Variants in RIMS1 observed in about 807,000 individuals in gnomAD.
RIMS1 encodes the protein regulating synaptic membrane exocytosis 1.
Under a neutral mutation model 214.1 loss-of-function variants are expected in RIMS1, and 83 were observed. The observed-to-expected ratio is 0.39, with a 90% CI of 0.32 to 0.47. RIMS1 has a LOEUF of 0.47. RIMS1 is among the 20% of genes least tolerant of loss of function. RIMS1 has a pLI of 0.99. For synonymous variants in RIMS1, 793 were observed against 786.8 expected (o/e 1.01, Z -0.13); for missense variants, 2,050 against 2,161.8 (o/e 0.95, Z 1.03).
intron 2 of RIMS1, among the ~76,000 whole-genome samples, chr6:72,047,875 G>A (rs1309021506): frequency 6.6e-6 from 1 of 152,056 alleles, no homozygotes; most frequent in Non-Finnish European, 1.5e-5. Context: ...CAAAATCTTT[G>A]GGTTTATTGG....
intron 2 of RIMS1, among the ~76,000 whole-genome samples, chr6:71,992,424 T>TTCTTTC (rs1801955946): frequency 2.7e-5 from 2 of 74,370 alleles, no homozygotes; most frequent in Non-Finnish European, 5.1e-5. Context: ...CTTTCTTTCT[T>TTCTTTC]TCTTTCTTTC....
At chr6:71,939,754 G>A (rs991060489) in intron 1 of RIMS1, among the ~76,000 whole-genome samples, 11 of 152,090 alleles carry the variant, frequency 7.2e-5, no homozygotes, top group African/African-American at 1.2e-4. Context: ...CCTAATAACC[G>A]CTTAAAGTTT....
chr6:72,371,694 G>T (rs1292779577), intron 29 of RIMS1, among the ~76,000 whole-genome samples: 1 of 152,126 alleles, frequency 6.6e-6, no homozygotes, highest in Non-Finnish European at 1.5e-5. Context: ...GCATTCAAGA[G>T]GAAGTTAAGA....
At chr6:71,919,081 C>G (rs1453082061) in intron 1 of RIMS1, among the ~76,000 whole-genome samples, 1 of 151,966 alleles carries the variant, frequency 6.6e-6, no homozygotes, top group African/African-American at 2.4e-5. Flanking sequence ...ATTATGCATC[C>G]CAGTGTCCAT....
chr6:72,230,740 C>G (rs1421782873), intron 6 of RIMS1, among the ~76,000 whole-genome samples: 3 of 151,528 alleles, frequency 2.0e-5, no homozygotes, highest in Non-Finnish European at 4.4e-5. Context: ...TATTTCTGCA[C>G]TGATAGTTGG....
chr6:72,236,741 G>T (rs898827783), intron 8 of RIMS1, among the ~76,000 whole-genome samples: 1 of 149,574 alleles, frequency 6.7e-6, no homozygotes, highest in Non-Finnish European at 1.5e-5. Context: ...ATTGTCTTGG[G>T]TCACACTTAA....
intron 2 of RIMS1, among the ~76,000 whole-genome samples, chr6:72,048,211 T>G (rs1487905578): frequency 6.6e-6 from 1 of 152,208 alleles, no homozygotes; most frequent in Non-Finnish European, 1.5e-5. Context: ...TTTTGACTCA[T>G]AGTCCAAAAA....
chr6:72,242,437 G>C lies in RIMS1; in HGVS notation c.2081G>C (p.Gly694Ala). ...QVEIIVSRPI[G>A]DIPRIPESSH... is the part of the protein sequence containing the mutation. ...GAAATTATTGTTTCAAGGCCTATTG[G>C]GTAAGGCTAAAAAAACTTACTTCTT... Residue 694 changes from glycine to alanine, a missense_variant and splice_region_variant, in exon 10 of 34, where the codon GGT (glycine) becomes GCT (alanine). Gly to Ala is a moderately conservative substitution (Grantham distance 60). Coordinates refer to ENST00000521978, the MANE Select transcript of RIMS1 (RefSeq NM_014989.7). 6.5e-7 allele frequency: 1 copy of C among 1,541,722 alleles called. No homozygotes were observed. Among genetic ancestry groups the C allele is most frequent in the Non-Finnish European group, 8.7e-7 (1 of 1,144,564 alleles).
At chr6:72,015,668 T>C (rs989284976) in intron 2 of RIMS1, among the ~76,000 whole-genome samples, 1 of 152,174 alleles carries the variant, frequency 6.6e-6, no homozygotes, top group Non-Finnish European at 1.5e-5. Context: ...GGCTCATGCC[T>C]GTAATCCCAG....
chr6:72,327,827 A>G (rs1263965764), intron 28 of RIMS1, among the ~76,000 whole-genome samples: 1 of 151,794 alleles, frequency 6.6e-6, no homozygotes, highest in African/African-American at 2.4e-5. Context: ...CAATTTTTTG[A>G]AAAGGGAATT....
At chr6:71,989,846 G>C (rs1164821361) in intron 2 of RIMS1, among the ~76,000 whole-genome samples, 1 of 152,148 alleles carries the variant, frequency 6.6e-6, no homozygotes, top group African/African-American at 2.4e-5. Context: ...TGTCCTGCAT[G>C]ACCTGGCCTA....
intron 2 of RIMS1, among the ~76,000 whole-genome samples, chr6:71,979,372 C>T (rs1212348038): frequency 6.6e-6 from 1 of 151,998 alleles, no homozygotes; most frequent in Admixed American, 6.6e-5. Flanking sequence ...CAAAACATGA[C>T]CTATGTTAGT....
At chr6:72,313,421 G>A in intron 27 of RIMS1, 85 bp from the exon 28 acceptor site, 1 of 1,199,130 alleles carries the variant, frequency 8.3e-7, no homozygotes, top group Non-Finnish European at 1.2e-6. Flanking sequence ...TATTTGGTGT[G>A]GGCTAAGTAG....
chr6:72,035,562 T>C (rs1046746799), intron 2 of RIMS1, among the ~76,000 whole-genome samples: 3 of 152,180 alleles, frequency 2.0e-5, no homozygotes, highest in Admixed American at 2.0e-4. Context: ...TCTTCTCTCA[T>C]CTTTTTAAGA....
At chr6:71,932,613 C>A (rs1021092088) in intron 1 of RIMS1, among the ~76,000 whole-genome samples, 1 of 151,978 alleles carries the variant, frequency 6.6e-6, no homozygotes, top group Non-Finnish European at 1.5e-5. Context: ...ACACTTGTAC[C>A]CCTGAACTTC....
intron 2 of RIMS1, among the ~76,000 whole-genome samples, chr6:72,011,966 C>T (rs568357557): frequency 1.2e-4 from 18 of 152,290 alleles, no homozygotes; most frequent in African/African-American, 4.3e-4. Flanking sequence ...TTGACCCAGC[C>T]ATCCCATTAC....
chr6:72,038,812 A>G (rs1269211444), intron 2 of RIMS1, among the ~76,000 whole-genome samples: 1 of 152,174 alleles, frequency 6.6e-6, no homozygotes, highest in Non-Finnish European at 1.5e-5. Flanking sequence ...TGAAGTATCC[A>G]AGGCTCTTAT....
intron 24 of RIMS1, among the ~76,000 whole-genome samples, chr6:72,288,580 G>T (rs1411930885): frequency 1.3e-5 from 2 of 152,136 alleles, no homozygotes; most frequent in Non-Finnish European, 2.9e-5. Context: ...CAACAGCCTG[G>T]ATTCTTTCAA....
chr6:72,245,953 T>C, intron 11 of RIMS1, 92 bp downstream of exon 11: 1 of 903,836 alleles, frequency 1.1e-6, no homozygotes, highest in Middle Eastern at 2.6e-4. Context: ...TATAATGAAT[T>C]GGGGTTACTA....
Sources: gnomAD v4.1 joint callset for allele counts (sites outside exome capture counted in the v4.1 genomes callset) on GRCh38, gnomAD v4.1.1 for gene constraint, MANE v1.5 for transcripts, NCBI Gene and HGNC (gene_info 2026-07-23, HGNC 2026-07-21) for gene names.